CORIN: variants seen among roughly 807,000 people sequenced by gnomAD.
The protein encoded by CORIN is corin, serine peptidase, also known as atrial natriuretic peptide-converting enzyme.
In CORIN, 117 loss-of-function variants were observed where a neutral mutation model predicts 125.3. The observed-to-expected ratio is 0.93, with a 90% CI of 0.80 to 1.09. The LOEUF (loss-of-function observed/expected upper bound fraction) is 1.09, where lower values mean the gene tolerates loss of function less well. CORIN is among the 50% of genes least tolerant of loss of function. CORIN has a pLI of 0.00. For missense variants in CORIN, 1,253 were observed against 1,306.7 expected, an observed-to-expected ratio of 0.96 and a Z score of 0.63; for synonymous variants, 450 against 466.4, an observed-to-expected ratio of 0.96 and a Z score of 0.45.
chr4:47,624,644 T>C (rs1722477268), intron 17 of CORIN, among the ~76,000 whole-genome samples: 2 of 152,138 alleles, frequency 1.3e-5, no homozygotes, highest in Admixed American at 6.6e-5. Context: ...GGAAAAGAAT[T>C]TTCTAAAATC....
intron 19 of CORIN, among the ~76,000 whole-genome samples, chr4:47,604,371 A>C (rs1184329464): frequency 6.6e-6 from 1 of 152,010 alleles, no homozygotes; most frequent in Non-Finnish European, 1.5e-5. Flanking sequence ...TACTCCCTTG[A>C]TTTCATCTAG....
chr4:47,677,393 CT>C (rs1725073701), intron 9 of CORIN, among the ~76,000 whole-genome samples: 1 of 152,190 alleles, frequency 6.6e-6, no homozygotes, highest in African/African-American at 2.4e-5. Flanking sequence ...TACTGAGAGG[CT>C]TCCACACACA....
chr4:47,683,459 GA>G (rs377132628), intron 7 of CORIN: 18 of 285,466 alleles, frequency 6.3e-5, no homozygotes, highest in East Asian at 5.8e-4. Flanking sequence ...TTGAGGAGAG[GA>G]AAAAAAACTA....
intron 5 of CORIN, among the ~76,000 whole-genome samples, chr4:47,724,108 A>G (rs542211066): frequency 1.3e-5 from 2 of 152,260 alleles, no homozygotes; most frequent in East Asian, 1.9e-4. Flanking sequence ...TTGAACAAAG[A>G]CTTACTTTAA....
At chr4:47,698,275 T>C (rs1437294671) in intron 5 of CORIN, among the ~76,000 whole-genome samples, 3 of 151,726 alleles carry the variant, frequency 2.0e-5, no homozygotes, top group Admixed American at 6.6e-5. Context: ...ATTAATATTA[T>C]TAATATTGGC....
In CORIN at chr4:47,756,682, T is replaced by C. The variant is rs1729162546; in HGVS notation, c.617+6697A>G. The stretch of plus-strand genomic sequence containing the variant: ...ATAAAATTGCTCTAGATATTAAGAA[T>C]AGTTGTTTAGGACCTAATGGCAAAT... On this transcript the variant is annotated intron_variant, in intron 4 of 21. Coordinates refer to ENST00000273857, the MANE Select transcript of CORIN (RefSeq NM_006587.4). Among the ~76,000 whole-genome samples, 2 of 152,208 alleles carry C rather than the reference T, an allele frequency of 1.3e-5. 1 individual carries two copies. The highest frequency in any genetic ancestry group is 4.1e-4 in the South Asian group (2 of 4,830).
intron 2 of CORIN, among the ~76,000 whole-genome samples, chr4:47,806,675 T>C (rs1273434843): frequency 6.6e-6 from 1 of 152,214 alleles, no homozygotes; most frequent in African/African-American, 2.4e-5. Flanking sequence ...AACCTAGTAA[T>C]CATTCCTTAA....
intron 16 of CORIN, among the ~76,000 whole-genome samples, chr4:47,627,034 G>C (rs10029881): frequency 4.6e-5 from 7 of 151,448 alleles, no homozygotes; most frequent in South Asian, 4.2e-4. Flanking sequence ...CCCAGGCTGG[G>C]GTACAGTGGT....
At chr4:47,674,085 A>T (rs1186996662) in intron 10 of CORIN, among the ~76,000 whole-genome samples, 1 of 152,238 alleles carries the variant, frequency 6.6e-6, no homozygotes, top group Non-Finnish European at 1.5e-5. Flanking sequence ...GAAGAAAGAT[A>T]GCATCTGCCT....
intron 5 of CORIN, among the ~76,000 whole-genome samples, chr4:47,728,012 G>A (rs1305801185): frequency 3.3e-5 from 5 of 152,224 alleles, no homozygotes; most frequent in Non-Finnish European, 2.9e-5. Flanking sequence ...TTGTTTAAAT[G>A]TGTGCAGGGT....
chr4:47,615,224 G>A (rs1262809743), intron 19 of CORIN, among the ~76,000 whole-genome samples: 1 of 152,212 alleles, frequency 6.6e-6, no homozygotes, highest in Non-Finnish European at 1.5e-5. Flanking sequence ...GCTGGGACTA[G>A]ACCTTAATAG....
chr4:47,683,590 C>T, intron 7 of CORIN, 141 bp downstream of exon 7: 1 of 605,970 alleles, frequency 1.7e-6, no homozygotes, highest in East Asian at 2.8e-5. Context: ...ACTGAACAAA[C>T]TTCCTCCTTC....
intron 2 of CORIN, among the ~76,000 whole-genome samples, chr4:47,797,576 C>A (rs1411089169): frequency 1.3e-5 from 2 of 152,004 alleles, no homozygotes; most frequent in African/African-American, 4.8e-5. Context: ...CATGGGGTTA[C>A]TATGACAACA....
intron 5 of CORIN, among the ~76,000 whole-genome samples, chr4:47,696,349 A>G (rs1326996773): frequency 6.6e-6 from 1 of 152,234 alleles, no homozygotes; most frequent in African/African-American, 2.4e-5. Flanking sequence ...TGGAATTTAA[A>G]TCAATGGCAG....
chr4:47,698,104 T>C (rs1318725903), intron 5 of CORIN, among the ~76,000 whole-genome samples: 1 of 151,836 alleles, frequency 6.6e-6, no homozygotes, highest in South Asian at 2.1e-4. Flanking sequence ...GAATACAGAA[T>C]AGCTCCCTTG....
intron 5 of CORIN, among the ~76,000 whole-genome samples, chr4:47,710,146 T>C (rs1295571284): frequency 1.3e-5 from 2 of 152,234 alleles, no homozygotes; most frequent in African/African-American, 4.8e-5. Flanking sequence ...AGCCTCATGA[T>C]TTGTATATAA....
At chr4:47,764,006 G>A (rs1729591920) in intron 3 of CORIN, among the ~76,000 whole-genome samples, 1 of 151,930 alleles carries the variant, frequency 6.6e-6, no homozygotes, top group Non-Finnish European at 1.5e-5. Flanking sequence ...TTTATCTACG[G>A]GGATCTTGAT....
intron 5 of CORIN, among the ~76,000 whole-genome samples, chr4:47,704,409 T>C (rs1726453507): frequency 6.6e-6 from 1 of 152,086 alleles, no homozygotes; most frequent in East Asian, 1.9e-4. Context: ...TGTTCTTTTA[T>C]ACTGGTAAAC....
At chr4:47,642,868 T>G in intron 15 of CORIN, 1 of 1,453,036 alleles carries the variant, frequency 6.9e-7, no homozygotes, top group Non-Finnish European at 9.0e-7. Flanking sequence ...TAATGAAGAG[T>G]TTTTAAATCC....
Sources: gnomAD v4.1 joint callset for allele counts (sites outside exome capture counted in the v4.1 genomes callset) on GRCh38, gnomAD v4.1.1 for gene constraint, MANE v1.5 for transcripts, NCBI Gene and HGNC (gene_info 2026-07-23, HGNC 2026-07-21) for gene names.